The following TRDN variants were observed in gnomAD, a reference collection of about 807,000 sequenced individuals.
TRDN encodes the protein triadin, also known as triadin in skeletal muscle.
TRDN carries 161 observed loss-of-function variants against 149.7 expected under a neutral mutation model. The ratio of observed to expected loss-of-function variants is 1.08; its 90% CI spans 0.95 to 1.23. TRDN has a LOEUF of 1.23. Among genes scored for constraint, TRDN ranks in the 50% most tolerant of loss-of-function variants. The pLI, the probability that TRDN is intolerant of heterozygous loss-of-function variation, is 0.00. For synonymous variants in TRDN, 294 were observed against 250.5 expected (o/e 1.17, Z -1.64); for missense variants, 896 against 823.5 (o/e 1.09, Z -1.08).
chr6:123,427,536 A>T (rs997325416), intron 12 of TRDN, among the ~76,000 whole-genome samples: 1 of 152,122 alleles, frequency 6.6e-6, no homozygotes, highest in Non-Finnish European at 1.5e-5. Context: ...AAAACTTCAA[A>T]TGGCAGTGTT....
At chr6:123,329,228 A>G (rs78390313) in intron 23 of TRDN, among the ~76,000 whole-genome samples, 2 of 152,248 alleles carry the variant, frequency 1.3e-5, no homozygotes, top group Non-Finnish European at 2.9e-5. Context: ...ATAAATTAGA[A>G]CATGGTTCTA....
intron 24 of TRDN, among the ~76,000 whole-genome samples, chr6:123,282,151 G>A (rs1777608440): frequency 6.6e-6 from 1 of 151,898 alleles, no homozygotes; most frequent in Non-Finnish European, 1.5e-5. Context: ...TGGAGGATGG[G>A]AGTGATGCAT....
intron 6 of TRDN, among the ~76,000 whole-genome samples, chr6:123,515,595 A>G (rs1206924103): frequency 1.3e-5 from 2 of 151,768 alleles, no homozygotes; most frequent in African/African-American, 2.4e-5. Context: ...CATACAATAA[A>G]GCTCTGGAAG....
intron 1 of TRDN, among the ~76,000 whole-genome samples, chr6:123,627,204 T>C (rs957010940): frequency 1.3e-5 from 2 of 152,000 alleles, no homozygotes; most frequent in African/African-American, 2.4e-5. Flanking sequence ...GCTGGGATTA[T>C]AGGCATGAGC....
intron 38 of TRDN, among the ~76,000 whole-genome samples, chr6:123,247,282 T>C (rs1351781619): frequency 6.6e-6 from 1 of 150,930 alleles, no homozygotes; most frequent in East Asian, 2.0e-4. Context: ...GAAAGCATAT[T>C]TTAATAGGAA....
At chr6:123,480,001 C>T (rs1351074273) in intron 9 of TRDN, among the ~76,000 whole-genome samples, 1 of 151,946 alleles carries the variant, frequency 6.6e-6, no homozygotes, top group South Asian at 2.1e-4. Flanking sequence ...ATAATGAACT[C>T]AAGTTTCTGA....
Position 123,590,512 on chromosome 6 carries a change from C to A in TRDN, c.23-19380G>T, listed in dbSNP as rs369476378. ...AGTCGCTGTGGCTCACACCTGTAAT[C>A]CCAGCACTTTGGGAGGCCGAGGCAG... On this transcript the variant is annotated intron_variant, in intron 1 of 40. Coordinates refer to ENST00000334268, the MANE Select transcript of TRDN (RefSeq NM_006073.4). 1.4e-4 allele frequency among the ~76,000 whole-genome samples: 21 copies of A among 152,200 alleles called. No homozygotes were observed. In the East Asian group the frequency reaches 4.1e-3, roughly 29 times the overall value.
chr6:123,521,498 C>T (rs13194024), intron 5 of TRDN, among the ~76,000 whole-genome samples: 15,022 of 152,036 alleles, frequency 0.099, 1,027 homozygotes, highest in South Asian at 0.22. Flanking sequence ...AAAGCTTGCC[C>T]GCAAACCTCC....
chr6:123,549,064 G>A (rs897573041), intron 2 of TRDN, among the ~76,000 whole-genome samples: 1 of 151,980 alleles, frequency 6.6e-6, no homozygotes, highest in South Asian at 2.1e-4. Context: ...AATTAAGACT[G>A]ATAGGCCCAT....
chr6:123,284,093 A>C (rs1432627660), intron 24 of TRDN, among the ~76,000 whole-genome samples: 15 of 119,580 alleles, frequency 1.3e-4, no homozygotes, highest in East Asian at 2.6e-4. Flanking sequence ...CCCCCCCCCC[A>C]AAAATTGGTA....
intron 1 of TRDN, among the ~76,000 whole-genome samples, chr6:123,622,327 ACACACACACACACACACACAGGCACACG>A (rs1191935779): frequency 7.7e-6 from 1 of 129,358 alleles, no homozygotes; most frequent in East Asian, 3.1e-4. Flanking sequence ...AGACACACAC[ACACACACACACACACACACAGGCACACG>A]CACACACATA....
chr6:123,337,618 C>A lies in TRDN; in HGVS notation c.1420+1G>T, dbSNP rs1375657667. The stretch of plus-strand genomic sequence containing the variant: ...ATATTATATTAAATTAACTCTGTTA[C>A]CTTTATCTTTCAGAATTGAAGAAGT... On this transcript the variant is annotated splice_donor_variant, in intron 22 of 40. Transcript: ENST00000334268. LOFTEE classifies it high-confidence loss of function. 3.7e-6 allele frequency: 5 copies of A among 1,367,188 alleles called. No homozygotes were observed. The African/African-American group carries it at 4.5e-5, about 12-fold the overall frequency. 84.7% of individuals were successfully genotyped at this position (1,367,188 alleles called of 1,614,324 possible). A position where few individuals can be genotyped will look rare whatever the true frequency, so the allele number is the denominator to read the frequency against.
chr6:123,534,456 C>CT (rs976606781), intron 4 of TRDN, among the ~76,000 whole-genome samples: 1 of 152,152 alleles, frequency 6.6e-6, no homozygotes, highest in Non-Finnish European at 1.5e-5. Context: ...CCAGTAAAGC[C>CT]TCCACATGGC....
At chr6:123,326,372 C>A (rs1779457264) in intron 23 of TRDN, among the ~76,000 whole-genome samples, 1 of 151,978 alleles carries the variant, frequency 6.6e-6, no homozygotes, top group Admixed American at 6.6e-5. Context: ...TAAGCATGTC[C>A]TTTTCTAGTA....
chr6:123,238,007 A>G (rs1775852413), intron 38 of TRDN, among the ~76,000 whole-genome samples: 1 of 152,186 alleles, frequency 6.6e-6, no homozygotes, highest in African/African-American at 2.4e-5. Flanking sequence ...GATGCTTAAA[A>G]GTGTATAATT....
intron 24 of TRDN, among the ~76,000 whole-genome samples, chr6:123,292,980 G>A (rs1778065020): frequency 6.6e-6 from 1 of 152,132 alleles, no homozygotes; most frequent in African/African-American, 2.4e-5. Context: ...AGGCCCAGCT[G>A]AATCACGATG....
chr6:123,635,296 A>G (rs1233228123), intron 1 of TRDN, among the ~76,000 whole-genome samples: 1 of 150,184 alleles, frequency 6.7e-6, no homozygotes, highest in African/African-American at 2.5e-5. Context: ...GTAAAGAGTA[A>G]ACCTGATATC....
intron 2 of TRDN, among the ~76,000 whole-genome samples, chr6:123,564,243 G>A (rs1782159550): frequency 6.6e-6 from 1 of 152,138 alleles, no homozygotes; most frequent in South Asian, 2.1e-4. Flanking sequence ...GGGGTAGTGA[G>A]CAGAAAATAT....
At chr6:123,631,551 T>C (rs887949353) in intron 1 of TRDN, among the ~76,000 whole-genome samples, 19 of 152,084 alleles carry the variant, frequency 1.2e-4, no homozygotes, top group Non-Finnish European at 2.6e-4. Flanking sequence ...TATGAGCATA[T>C]TTGGTTTTCA....
Sources: gnomAD v4.1 joint callset for allele counts (sites outside exome capture counted in the v4.1 genomes callset) on GRCh38, gnomAD v4.1.1 for gene constraint, MANE v1.5 for transcripts, NCBI Gene and HGNC (gene_info 2026-07-23, HGNC 2026-07-21) for gene names.